The following ROR1 variants were observed in gnomAD, a reference collection of about 807,000 sequenced individuals.
ROR1 encodes the protein ROR family WNT receptor 1.
In ROR1, 19 loss-of-function variants were observed where a neutral mutation model predicts 78.8. The observed-to-expected ratio is 0.24, with a 90% CI of 0.17 to 0.35. The LOEUF (loss-of-function observed/expected upper bound fraction) is 0.35. Among genes scored for constraint, ROR1 ranks in the 10% least tolerant of loss-of-function variants. The pLI is 1.00. For synonymous variants in ROR1, 386 were observed against 433.6 expected (o/e 0.89, Z 1.36); for missense variants, 917 against 1,177.8 (o/e 0.78, Z 3.24).
At chr1:63,855,945 C>T (rs1645145967) in intron 1 of ROR1, among the ~76,000 whole-genome samples, 1 of 152,152 alleles carries the variant, frequency 6.6e-6, no homozygotes, top group Non-Finnish European at 1.5e-5. Flanking sequence ...GTGTGAGCTA[C>T]CACGCCCTGC....
chr1:63,870,125 C>G (rs1268208502), intron 1 of ROR1, among the ~76,000 whole-genome samples: 2 of 152,138 alleles, frequency 1.3e-5, no homozygotes, highest in Non-Finnish European at 2.9e-5. Flanking sequence ...TAGTCCTTAT[C>G]CATGAATTCA....
intron 4 of ROR1, chr1:64,113,928 T>C (rs6690472): frequency 0.13 from 20,432 of 152,084 alleles, 1,515 homozygotes; most frequent in African/African-American, 0.18. Context: ...CTGCCCCCAT[T>C]TATAAAATGA....
chr1:64,037,001 C>T (rs538493363), intron 2 of ROR1, among the ~76,000 whole-genome samples: 1 of 152,316 alleles, frequency 6.6e-6, no homozygotes, highest in African/African-American at 2.4e-5. Flanking sequence ...TGTCCAAGAG[C>T]TTCTCTTTAT....
In ROR1 at chr1:63,881,987, T is replaced by A. The variant is rs184667576; in HGVS notation, c.91+107479T>A. 1.7e-3 allele frequency among the ~76,000 whole-genome samples: 256 copies of A among 152,238 alleles called. 3 individuals carry two copies. Among genetic ancestry groups the A allele is most frequent in the African/African-American group, 6.0e-3 (249 of 41,554 alleles). ...AGTCTTCTGAGAGACCGGCAGGCAG[T>A]TGCAGCTCCATATGTTAGGTACTAT... On this transcript the variant is annotated intron_variant, in intron 1 of 8. Coordinates refer to ENST00000371079, the MANE Select transcript of ROR1 (RefSeq NM_005012.4).
At chr1:64,045,116 G>C (rs941219985) in intron 2 of ROR1, among the ~76,000 whole-genome samples, 4 of 152,092 alleles carry the variant, frequency 2.6e-5, no homozygotes, top group African/African-American at 9.7e-5. Flanking sequence ...ATTTCACATT[G>C]CAACCAACGT....
At chr1:63,952,962 C>G (rs957930809) in intron 1 of ROR1, among the ~76,000 whole-genome samples, 2 of 152,060 alleles carry the variant, frequency 1.3e-5, no homozygotes, top group Non-Finnish European at 2.9e-5. Context: ...GGATGGTATC[C>G]TATTTGGGGT....
intron 4 of ROR1, among the ~76,000 whole-genome samples, chr1:64,113,391 C>T (rs917220281): frequency 1.3e-5 from 2 of 152,176 alleles, no homozygotes; most frequent in Admixed American, 6.5e-5. Context: ...GGTACCATCC[C>T]TATATTCTGC....
intron 1 of ROR1, among the ~76,000 whole-genome samples, chr1:63,876,039 T>C (rs1054953688): frequency 1.3e-5 from 2 of 152,190 alleles, no homozygotes; most frequent in African/African-American, 2.4e-5. Context: ...CAAATCTTGG[T>C]GGGATTTTAA....
At chr1:63,911,898 A>G (rs766923781) in intron 1 of ROR1, among the ~76,000 whole-genome samples, 11 of 152,208 alleles carry the variant, frequency 7.2e-5, no homozygotes, top group African/African-American at 1.7e-4. Flanking sequence ...TGAAAATGAC[A>G]GTGGATTTTC....
At chr1:63,856,945 C>T (rs1645152496) in intron 1 of ROR1, among the ~76,000 whole-genome samples, 1 of 152,034 alleles carries the variant, frequency 6.6e-6, no homozygotes, top group Admixed American at 6.6e-5. Flanking sequence ...CACTCCTCTC[C>T]CTGCGTTGTT....
At chr1:63,957,745 GTTT>G in intron 1 of ROR1, among the ~76,000 whole-genome samples, 1 of 136,564 alleles carries the variant, frequency 7.3e-6, no homozygotes, top group Non-Finnish European at 1.6e-5. Context: ...TTTGTTTTTT[GTTT>G]TTTTTTTTTT....
intron 2 of ROR1, among the ~76,000 whole-genome samples, chr1:64,025,711 G>C (rs1241007223): frequency 6.6e-6 from 1 of 152,114 alleles, no homozygotes; most frequent in Non-Finnish European, 1.5e-5. Context: ...AATGACATTT[G>C]AAGCAACCTG....
intron 1 of ROR1, among the ~76,000 whole-genome samples, chr1:63,867,086 C>T (rs1645220221): frequency 6.6e-6 from 1 of 152,320 alleles, no homozygotes; most frequent in Middle Eastern, 3.4e-3. Flanking sequence ...TGTTTGGCTC[C>T]TGTACTTATA....
chr1:64,004,896 C>T (rs1570045460), intron 1 of ROR1, among the ~76,000 whole-genome samples: 2 of 151,926 alleles, frequency 1.3e-5, no homozygotes, highest in Non-Finnish European at 2.9e-5. Context: ...TTGATCAAAT[C>T]GGGAGGAGAA....
At chr1:64,126,855 G>A (rs949169182) in intron 4 of ROR1, among the ~76,000 whole-genome samples, 1 of 152,114 alleles carries the variant, frequency 6.6e-6, no homozygotes, top group Non-Finnish European at 1.5e-5. Flanking sequence ...CTTGAATCCA[G>A]CCAGGCTGCC....
chr1:64,004,204 C>T (rs1324033439), intron 1 of ROR1, among the ~76,000 whole-genome samples: 3 of 152,322 alleles, frequency 2.0e-5, no homozygotes, highest in Non-Finnish European at 2.9e-5. Flanking sequence ...CTTGCTTCCT[C>T]TGAAAAATGA....
intron 4 of ROR1, among the ~76,000 whole-genome samples, chr1:64,132,424 A>G (rs1477463284): frequency 1.3e-5 from 2 of 152,122 alleles, no homozygotes; most frequent in South Asian, 2.1e-4. Flanking sequence ...GTGAGATTTT[A>G]CAGTCAGGAA....
At chr1:64,018,735 A>G (rs1034785012) in intron 2 of ROR1, among the ~76,000 whole-genome samples, 1 of 152,200 alleles carries the variant, frequency 6.6e-6, no homozygotes, top group South Asian at 2.1e-4. Context: ...TGTCTTCTTT[A>G]TGCATCCTTA....
intron 1 of ROR1, among the ~76,000 whole-genome samples, chr1:63,989,829 A>T (rs1646280807): frequency 6.6e-6 from 1 of 152,162 alleles, no homozygotes; most frequent in Non-Finnish European, 1.5e-5. Flanking sequence ...CCAAACTGTG[A>T]TGTCCACATG....
Sources: gnomAD v4.1 joint callset for allele counts (sites outside exome capture counted in the v4.1 genomes callset) on GRCh38, gnomAD v4.1.1 for gene constraint, MANE v1.5 for transcripts, NCBI Gene and HGNC (gene_info 2026-07-23, HGNC 2026-07-21) for gene names.